The following ST3GAL1 variants were observed in gnomAD, a reference collection of about 807,000 sequenced individuals.
ST3GAL1 encodes CMP-N-acetylneuraminate-beta-galactosamide-alpha-2,3-sialyltransferase 1.
ST3GAL1 carries 16 observed loss-of-function variants against 34.1 expected under a neutral mutation model. The observed-to-expected ratio is 0.47, with a 90% CI of 0.32 to 0.71. The LOEUF (loss-of-function observed/expected upper bound fraction) is 0.71, where lower values mean the gene tolerates loss of function less well. Ranked by LOEUF, ST3GAL1 falls within the 30% of genes least tolerant of loss-of-function variation. The pLI is 0.04. For synonymous variants in ST3GAL1, 191 were observed against 184.7 expected (o/e 1.03, Z -0.28); for missense variants, 353 against 447.4 (o/e 0.79, Z 1.90).
At chr8:133,462,031 T>TG (rs1815531524) in intron 8 of ST3GAL1, 37 bp from the exon 9 acceptor site, 2 of 1,613,290 alleles carry the variant, frequency 1.2e-6, no homozygotes, top group Middle Eastern at 1.7e-4. Context: ...TAGTGAGTTC[T>TG]GGGGGGCAAA....
intron 2 of ST3GAL1, among the ~76,000 whole-genome samples, chr8:133,515,281 C>T (rs1192533715): frequency 1.3e-5 from 2 of 152,260 alleles, no homozygotes; most frequent in South Asian, 2.1e-4. Flanking sequence ...CTACTGCTTT[C>T]TCCCTTACTC....
Position 133,466,217 on chromosome 8 carries a change from C to T in ST3GAL1, c.307-127G>A. Reference sequence around the variant, plus strand: ...GTTCACCCTTCTCTCTGCTGGGCCCCCGGAGATGGAGGCGGCTCACACACA... The same window carrying T: ...GTTCACCCTTCTCTCTGCTGGGCCCTCGGAGATGGAGGCGGCTCACACACA... On this transcript the variant is annotated intron_variant, in intron 5 of 9. Transcript: ENST00000522652. This position sits in a 1 kb window ranked among gnomAD's most constrained non-coding sequence, Gnocchi z 4.4. 1 of 942,848 alleles carries T rather than the reference C, an allele frequency of 1.1e-6. No homozygotes were observed. Among genetic ancestry groups the T allele is most frequent in the Non-Finnish European group, 1.6e-6 (1 of 640,884 alleles). The allele number at this position is 942,848 out of a possible 1,614,324, so 58.4% of individuals were successfully genotyped here. A position where few individuals can be genotyped will look rare whatever the true frequency, so the allele number is the denominator to read the frequency against.
chr8:133,534,730 C>A (rs1295383011), intron 2 of ST3GAL1, among the ~76,000 whole-genome samples: 1 of 152,200 alleles, frequency 6.6e-6, no homozygotes, highest in Non-Finnish European at 1.5e-5. Flanking sequence ...AGGCATGTGT[C>A]CAGGCCAGTA....
intron 2 of ST3GAL1, among the ~76,000 whole-genome samples, chr8:133,535,041 G>A (rs927801391): frequency 7.9e-5 from 12 of 152,340 alleles, no homozygotes; most frequent in Admixed American, 3.3e-4. Flanking sequence ...GAGGGCTGAC[G>A]AGGGAGAAGC....
chr8:133,490,335 T>C (rs1816748767), intron 3 of ST3GAL1, among the ~76,000 whole-genome samples: 1 of 152,246 alleles, frequency 6.6e-6, no homozygotes, highest in Middle Eastern at 3.4e-3. Context: ...TACCCAAGCA[T>C]GCCTGCGATG....
chr8:133,460,312 C>A (rs1038748869), intron 9 of ST3GAL1, among the ~76,000 whole-genome samples: 1 of 152,164 alleles, frequency 6.6e-6, no homozygotes, highest in Non-Finnish European at 1.5e-5. Context: ...GAGAGCAGGG[C>A]TTTGGGGCCA....
In ST3GAL1 at chr8:133,493,666, G is replaced by A. The variant is rs192723092; in HGVS notation, c.-374+5469C>T. Among the ~76,000 whole-genome samples, 360 of 152,258 alleles carry A rather than the reference G, an allele frequency of 2.4e-3. 2 individuals are homozygous for A. Among genetic ancestry groups the A allele is most frequent in the African/African-American group, 8.4e-3 (347 of 41,552 alleles). On this transcript the variant is annotated intron_variant, in intron 3 of 9. Coordinates refer to ENST00000522652, the MANE Select transcript of ST3GAL1 (RefSeq NM_173344.3). ...TTGAGACCGGCCTGGCCAATATGGC[G>A]AAATCCTGTCTCCACTAGAAATATA...
chr8:133,520,795 A>G (rs959714822), intron 2 of ST3GAL1, among the ~76,000 whole-genome samples: 1 of 138,622 alleles, frequency 7.2e-6, no homozygotes, highest in African/African-American at 2.7e-5. Context: ...TTTTTTTGAC[A>G]GAGTCTCACT....
At chr8:133,488,885 G>A (rs772892847) in intron 3 of ST3GAL1, among the ~76,000 whole-genome samples, 7 of 152,170 alleles carry the variant, frequency 4.6e-5, no homozygotes, top group Non-Finnish European at 1.0e-4. Flanking sequence ...GCCAGGCAAG[G>A]TCTGGTGGCC....
chr8:133,489,618 C>T (rs1816726534), intron 3 of ST3GAL1: 1 of 152,304 alleles, frequency 6.6e-6, no homozygotes, highest in East Asian at 1.9e-4. Context: ...CCTTGCACCA[C>T]TCAGCCAAGT....
intron 5 of ST3GAL1, among the ~76,000 whole-genome samples, chr8:133,474,276 C>G (rs1007823717): frequency 6.6e-6 from 1 of 152,164 alleles, no homozygotes; most frequent in Admixed American, 6.5e-5. Flanking sequence ...TCCTGCACAG[C>G]ACCTATGGTC....
chr8:133,545,237 G>T (rs957337276), intron 2 of ST3GAL1, among the ~76,000 whole-genome samples: 4 of 152,270 alleles, frequency 2.6e-5, no homozygotes, highest in African/African-American at 9.6e-5. Flanking sequence ...AATATGTCAG[G>T]CTTTGCAGCC....
chr8:133,498,853 T>C lies in ST3GAL1; in HGVS notation c.-374+282A>G, dbSNP rs558531217. 1.7e-3 allele frequency among the ~76,000 whole-genome samples: 254 copies of C among 152,272 alleles called. 4 individuals are homozygous for C. The highest frequency in any genetic ancestry group is 6.0e-3 in the African/African-American group (248 of 41,554). ...AGAACAGACCCAGGCTCCTGCTGGC[T>C]ACAGTGAGCTCGATCCTGAACCCAG... On this transcript the variant is annotated intron_variant, in intron 3 of 9. Coordinates refer to ENST00000522652, the MANE Select transcript of ST3GAL1 (RefSeq NM_173344.3).
intron 2 of ST3GAL1, among the ~76,000 whole-genome samples, chr8:133,515,226 C>A (rs1447091634): frequency 6.6e-6 from 1 of 152,218 alleles, no homozygotes; most frequent in Non-Finnish European, 1.5e-5. Context: ...CCTCCTGGGC[C>A]CACACCCTGC....
chr8:133,530,000 T>C (rs937707767), intron 2 of ST3GAL1, among the ~76,000 whole-genome samples: 1 of 152,268 alleles, frequency 6.6e-6, no homozygotes, highest in African/African-American at 2.4e-5. Flanking sequence ...TGTTATTTAT[T>C]AGAAGTCTCC....
rs1299790632 is a variant in ST3GAL1, at chr8:133,541,114, T to TAGAGAGAGAGAG, written c.-429+4659_-429+4660insCTCTCTCTCTCT. Among the ~76,000 whole-genome samples the TAGAGAGAGAGAG allele has an allele frequency of 7.9e-3, 349 of 43,980 alleles. 30 individuals are homozygous for TAGAGAGAGAGAG. The highest frequency in any genetic ancestry group is 0.053 in the Middle Eastern group (2 of 38). 28.9% of individuals were successfully genotyped at this position (43,980 alleles called of 152,430 possible). Reference sequence around the variant, plus strand: ...ATATAAACATATATATATATATATATATATATAGAGAGAGAGAGAGAGAGA... The same window carrying TAGAGAGAGAGAG: ...ATATAAACATATATATATATATATATAGAGAGAGAGAGATATATAGAGAGAGAGAGAGAGAGA... On this transcript the variant is annotated intron_variant, in intron 2 of 9. Coordinates refer to ENST00000522652, the MANE Select transcript of ST3GAL1 (RefSeq NM_173344.3).
intron 5 of ST3GAL1, among the ~76,000 whole-genome samples, chr8:133,470,929 G>C (rs1815929087): frequency 6.6e-6 from 1 of 152,136 alleles, no homozygotes. Flanking sequence ...CCTGTCTTGA[G>C]GCACGATGGC....
chr8:133,525,166 G>A (rs765745636), intron 2 of ST3GAL1, among the ~76,000 whole-genome samples: 13 of 152,266 alleles, frequency 8.5e-5, no homozygotes, highest in Non-Finnish European at 1.8e-4. Flanking sequence ...ACAGCTTTCA[G>A]GAGACCTGCA....
chr8:133,477,698 G>A (rs932552022), intron 3 of ST3GAL1, among the ~76,000 whole-genome samples: 19 of 152,042 alleles, frequency 1.2e-4, no homozygotes, highest in South Asian at 4.2e-4. Context: ...GACCCCTCTG[G>A]CTCTCACCGA....
Sources: allele counts gnomAD v4.1 joint callset (sites outside exome capture counted in the v4.1 genomes callset), GRCh38; gene constraint gnomAD v4.1.1; non-coding constraint Gnocchi (gnomAD v3.1); transcripts MANE v1.5; gene names NCBI Gene and HGNC (gene_info 2026-07-23, HGNC 2026-07-21).